FHIP1A: variants seen among roughly 807,000 people sequenced by gnomAD.
FHIP1A encodes the protein FHF complex subunit HOOK interacting protein 1A.
Under a neutral mutation model 88.6 loss-of-function variants are expected in FHIP1A, and 61 were observed. The ratio of observed to expected loss-of-function variants is 0.69; its 90% confidence interval spans 0.56 to 0.85. FHIP1A has a LOEUF of 0.85. Ranked by LOEUF, FHIP1A falls within the 40% of genes least tolerant of loss-of-function variation. FHIP1A has a pLI of 0.00. For missense variants in FHIP1A, 1,154 were observed against 1,273.5 expected, an observed-to-expected ratio of 0.91 and a Z score of 1.43; for synonymous variants, 478 against 496.0, an observed-to-expected ratio of 0.96 and a Z score of 0.48.
intron 2 of FHIP1A, among the ~76,000 whole-genome samples, chr4:151,470,745 A>G (rs953235183): frequency 6.6e-6 from 1 of 152,190 alleles, no homozygotes; most frequent in Non-Finnish European, 1.5e-5. Context: ...GTGAAACCTG[A>G]CAGATCATGT....
chr4:151,623,101 A>G (rs956135205), intron 7 of FHIP1A, among the ~76,000 whole-genome samples: 1 of 152,212 alleles, frequency 6.6e-6, no homozygotes, highest in African/African-American at 2.4e-5. Flanking sequence ...AACTTGGCCA[A>G]CGCTAGTTGC....
Position 151,667,826 on chromosome 4 carries a change from G to A in FHIP1A, c.*5072G>A, listed in dbSNP as rs897945191. 7.9e-5 allele frequency among the ~76,000 whole-genome samples: 12 copies of A among 152,288 alleles called. No homozygotes were observed. The highest frequency in any genetic ancestry group is 2.9e-4 in the African/African-American group (12 of 41,560). Reference sequence around the variant, plus strand: ...CAATAGGACCTGTCAGCATGACTTCGACATGCATTCCAGGCATCTTTCGGG... The same window carrying A: ...CAATAGGACCTGTCAGCATGACTTCAACATGCATTCCAGGCATCTTTCGGG... On this transcript the variant is annotated 3_prime_UTR_variant, in exon 14 of 14. Coordinates refer to ENST00000435205, the MANE Select transcript of FHIP1A (RefSeq NM_001109977.3).
At chr4:151,515,567 C>G (rs1245335688) in intron 3 of FHIP1A, among the ~76,000 whole-genome samples, 1 of 152,168 alleles carries the variant, frequency 6.6e-6, no homozygotes, top group African/African-American at 2.4e-5. Context: ...ATTGTTTCAG[C>G]CCTAAATCTC....
chr4:151,646,696 G>A lies in FHIP1A; in HGVS notation c.1365G>A (p.Gly455=), dbSNP rs1368817234. Residue 455 remains glycine, a synonymous_variant, in exon 10 of 14, where the codon GGG becomes GGA. Transcript: ENST00000435205. ...CCSSGITLTL[G]NQERDYILWS... is the part of the protein sequence containing the mutation. ...CCAGCGGGATCACTCTGACGCTGGG[G>A]AACCAAGAGAGGGATTATATTCTCT... 1.3e-6 allele frequency: 2 copies of A among 1,551,546 alleles called. No individual in the cohort carries two copies. The highest frequency in any genetic ancestry group is 2.0e-5 in the Admixed American group (1 of 51,006).
chr4:151,607,181 C>G (rs1217508083), intron 7 of FHIP1A, among the ~76,000 whole-genome samples: 1 of 152,130 alleles, frequency 6.6e-6, no homozygotes, highest in African/African-American at 2.4e-5. Context: ...AGTGGTGGAG[C>G]CCAAGCAATC....
Position 151,577,938 on chromosome 4 carries a change from CTCCCTTCTGAT to C in FHIP1A, c.602_612del (p.Leu201HisfsTer24). On this transcript the variant is annotated frameshift_variant, in exon 5 of 14. Transcript: ENST00000435205. LOFTEE classifies it high-confidence loss of function. ...AAGGCGCTGCCAACTTCCTCATCTT[CTCCCTTCTGAT>C]TCCCTTCATTCACCGAGAGGGGTCA... 1 of 1,551,658 alleles carries C rather than the reference CTCCCTTCTGAT, an allele frequency of 6.4e-7. No individual in the cohort carries two copies. The highest frequency in any genetic ancestry group is 8.7e-7 in the Non-Finnish European group (1 of 1,146,978).
chr4:151,422,395 T>TC (rs1051354757), intron 1 of FHIP1A, among the ~76,000 whole-genome samples: 19 of 151,850 alleles, frequency 1.3e-4, no homozygotes, highest in Admixed American at 2.6e-4. Flanking sequence ...TATATGCATT[T>TC]TTTTAATGAG....
chr4:151,515,850 A>T (rs1235708449), intron 3 of FHIP1A, among the ~76,000 whole-genome samples: 2 of 152,206 alleles, frequency 1.3e-5, no homozygotes, highest in African/African-American at 4.8e-5. Flanking sequence ...GGAAGAATCA[A>T]TATCGTGAAA....
chr4:151,589,287 A>G (rs930821837), intron 7 of FHIP1A, among the ~76,000 whole-genome samples: 1 of 152,222 alleles, frequency 6.6e-6, no homozygotes, highest in African/African-American at 2.4e-5. Context: ...TGCTGTGGGC[A>G]TGGAGAGGAG....
chr4:151,650,466 G>A lies in FHIP1A; in HGVS notation c.2425G>A (p.Asp809Asn). 6.4e-7 allele frequency: 1 copy of A among 1,551,648 alleles called. No individual in the cohort carries two copies. Among genetic ancestry groups the A allele is most frequent in the African/African-American group, 1.4e-5 (1 of 73,158 alleles). The change falls in exon 11 of 14, where the codon GAT becomes AAT. Residue 809 changes from aspartate to asparagine, a missense_variant. Transcript: ENST00000435205. ...GAAGAAGGAGCTAGAAGATGAGGAG[G>A]ATGACTTTGACTCTTTTATAGCGGA... ...EGKKELEDEEDDFDSFIAEMP... is the reference protein window; with the variant it reads ...EGKKELEDEENDFDSFIAEMP...
chr4:151,650,222 G>A lies in FHIP1A; in HGVS notation c.2181G>A (p.Glu727=). 6.4e-7 allele frequency: 1 copy of A among 1,551,742 alleles called. No individual in the cohort carries two copies. Among genetic ancestry groups the A allele is most frequent in the East Asian group, 2.4e-5 (1 of 40,918 alleles). The change falls in exon 11 of 14, where the codon GAG becomes GAA. Residue 727 remains glutamate (E), a synonymous_variant. Coordinates refer to ENST00000435205, the MANE Select transcript of FHIP1A (RefSeq NM_001109977.3). ...AAGCAGCCCCAGAATCCAACTCAGAGTTAGCATCCCCTGCCCCTGAGGCAG... is the reference window on the plus strand; with the variant it reads ...AAGCAGCCCCAGAATCCAACTCAGAATTAGCATCCCCTGCCCCTGAGGCAG... The part of the protein sequence containing the change: ...EPEAAPESNS[E]LASPAPEAEH...
At chr4:151,635,430 T>G (rs1736313871) in intron 8 of FHIP1A, among the ~76,000 whole-genome samples, 1 of 151,962 alleles carries the variant, frequency 6.6e-6, no homozygotes, top group African/African-American at 2.4e-5. Context: ...ACACCCATGT[T>G]CATTGCAGCA....
chr4:151,498,556 C>A (rs1730542308), intron 3 of FHIP1A, among the ~76,000 whole-genome samples: 1 of 152,200 alleles, frequency 6.6e-6, no homozygotes. Flanking sequence ...TGTCTCACGC[C>A]TGTAATCCTA....
chr4:151,601,698 G>A (rs1339119055), intron 7 of FHIP1A, among the ~76,000 whole-genome samples: 2 of 151,282 alleles, frequency 1.3e-5, no homozygotes, highest in Non-Finnish European at 2.9e-5. Context: ...GTGTGCAGTG[G>A]AAGAGCATTA....
chr4:151,545,365 C>A (rs1192959295), intron 3 of FHIP1A, among the ~76,000 whole-genome samples: 5 of 138,934 alleles, frequency 3.6e-5, no homozygotes, highest in African/African-American at 1.4e-4. Context: ...ATTTCCTTAT[C>A]CTTCTTTTTT....
rs1460880539 is a variant in FHIP1A, at chr4:151,649,553, G to A, written c.1512G>A (p.Leu504=). 2 of 1,551,738 alleles carry A rather than the reference G, an allele frequency of 1.3e-6. No individual in the cohort carries two copies. The highest frequency in any genetic ancestry group is 1.2e-5 in the South Asian group (1 of 84,060). The stretch of plus-strand genomic sequence containing the variant: ...TGGACATCAGCTACCTGCAGTACCT[G>A]TGGGAGGCCCACACCAACATCCTCC... ...KALDISYLQY[L]WEAHTNILRC... Residue 504 remains leucine, a synonymous_variant, in exon 11 of 14, where the codon CTG becomes CTA. Transcript: ENST00000435205.
intron 7 of FHIP1A, among the ~76,000 whole-genome samples, chr4:151,602,247 A>G (rs1734901315): frequency 6.6e-6 from 1 of 152,302 alleles, no homozygotes; most frequent in South Asian, 2.1e-4. Context: ...CTGAAAAATC[A>G]TATACTGTTA....
intron 3 of FHIP1A, among the ~76,000 whole-genome samples, chr4:151,562,089 C>T (rs755639270): frequency 3.9e-5 from 6 of 152,182 alleles, no homozygotes; most frequent in Non-Finnish European, 8.8e-5. Context: ...AGAGCTAGAA[C>T]TAGAGTTTTG....
At chr4:151,411,249 A>G (rs1312537718) in intron 1 of FHIP1A, among the ~76,000 whole-genome samples, 3 of 152,154 alleles carry the variant, frequency 2.0e-5, no homozygotes, top group Non-Finnish European at 4.4e-5. Context: ...ATAGATAATG[A>G]CTGCAAACAA....
Sources: gnomAD v4.1 joint callset for allele counts (sites outside exome capture counted in the v4.1 genomes callset) on GRCh38, gnomAD v4.1.1 for gene constraint, MANE v1.5 for transcripts, NCBI Gene and HGNC (gene_info 2026-07-23, HGNC 2026-07-21) for gene names.